Variants in AFG2B observed in about 807,000 individuals in gnomAD.
AFG2B encodes the protein AAA ATPase AFG2B, also known as ATPase family gene 2 protein homolog B.
At chr15:45,410,363 T>C in the AFG2B span, 17 of 1,606,814 alleles carry the variant, frequency 1.1e-5, no homozygotes, top group Non-Finnish European at 1.4e-5. Context: ...TTTGGGTGTA[T>C]TTCTTCAGAA....
chr15:45,402,360 G>C, the AFG2B span: 434 of 1,543,528 alleles, frequency 2.8e-4, 3 homozygotes, highest in South Asian at 4.9e-3. Flanking sequence ...CTGCGAGCTC[G>C]GTGTTCCGCT....
the AFG2B span, chr15:45,403,376 C>T: frequency 2.5e-6 from 4 of 1,610,756 alleles, no homozygotes; most frequent in South Asian, 1.1e-5. Flanking sequence ...GGCAGTCGAG[C>T]ACCCGAGAGC....
At chr15:45,404,544 C>A in the AFG2B span, among the ~76,000 whole-genome samples, 1 of 152,116 alleles carries the variant, frequency 6.6e-6, no homozygotes, top group Admixed American at 6.6e-5. Context: ...CGGTGGCTCA[C>A]GCCTGCAATC....
chr15:45,416,129 A>G, the AFG2B span, among the ~76,000 whole-genome samples: 3 of 152,202 alleles, frequency 2.0e-5, no homozygotes, highest in African/African-American at 7.2e-5. Context: ...ATTTCTTTCT[A>G]AAAATGTTTA....
the AFG2B span, chr15:45,407,163 C>T: frequency 7.8e-7 from 1 of 1,282,386 alleles, no homozygotes; most frequent in South Asian, 1.2e-5. Flanking sequence ...AGTTCAGAAA[C>T]AACCCAGGGG....
chr15:45,418,578 G>T, the AFG2B span: 2 of 1,606,140 alleles, frequency 1.2e-6, no homozygotes, highest in Non-Finnish European at 1.7e-6. Flanking sequence ...TATTTTAAAA[G>T]TCTGTACAAA....
chr15:45,403,071 G>A, the AFG2B span: 1 of 1,536,520 alleles, frequency 6.5e-7, no homozygotes, highest in Non-Finnish European at 8.7e-7. Context: ...CGCTGCGGGA[G>A]CTCCTCCGCC....
At chr15:45,420,618 G>A in the AFG2B span, among the ~76,000 whole-genome samples, 2 of 151,934 alleles carry the variant, frequency 1.3e-5, no homozygotes, top group Non-Finnish European at 2.9e-5. Flanking sequence ...AATGTTTTTA[G>A]TGACATGAAA....
At chr15:45,407,993 T>C in the AFG2B span, among the ~76,000 whole-genome samples, 1 of 152,166 alleles carries the variant, frequency 6.6e-6, no homozygotes, top group African/African-American at 2.4e-5. Context: ...GTTGACCATT[T>C]GGGGGTGGCA....
the AFG2B span, among the ~76,000 whole-genome samples, chr15:45,408,379 G>C: frequency 1.3e-5 from 2 of 151,822 alleles, no homozygotes; most frequent in African/African-American, 4.8e-5. Context: ...CTCTCTCTCT[G>C]TCATCTCCAT....
the AFG2B span, among the ~76,000 whole-genome samples, chr15:45,416,294 GATT>G: frequency 6.6e-6 from 1 of 152,260 alleles, no homozygotes; most frequent in South Asian, 2.1e-4. Context: ...AAACAAAGGA[GATT>G]ATTATTTCCA....
chr15:45,404,710 A>T, the AFG2B span, among the ~76,000 whole-genome samples: 1 of 151,202 alleles, frequency 6.6e-6, no homozygotes, highest in Admixed American at 6.6e-5. Flanking sequence ...CTGGAGGCTG[A>T]GGCACCAGAA....
chr15:45,417,218 A>T, the AFG2B span: 1 of 1,575,140 alleles, frequency 6.3e-7, no homozygotes, highest in Non-Finnish European at 8.6e-7. Flanking sequence ...ATTTTTAGAA[A>T]ACTTATTAAC....
chr15:45,407,301 G>A, the AFG2B span: 2 of 1,091,674 alleles, frequency 1.8e-6, no homozygotes, highest in East Asian at 1.2e-4. Flanking sequence ...GGGCAGATAA[G>A]GGATACCTTA....
the AFG2B span, among the ~76,000 whole-genome samples, chr15:45,408,968 G>A: frequency 1.3e-5 from 2 of 152,104 alleles, no homozygotes; most frequent in South Asian, 2.1e-4. Context: ...ATTGCAAGAC[G>A]GGCGATTTTT....
chr15:45,419,848 T>C, the AFG2B span, among the ~76,000 whole-genome samples: 4 of 151,724 alleles, frequency 2.6e-5, no homozygotes, highest in African/African-American at 9.7e-5. Flanking sequence ...AGACCCTGTC[T>C]CTACAAAAAC....
chr15:45,413,456 C>T, the AFG2B span, among the ~76,000 whole-genome samples: 1 of 152,208 alleles, frequency 6.6e-6, no homozygotes, highest in African/African-American at 2.4e-5. Flanking sequence ...TTAATACAGC[C>T]AGCCACCCCA....
the AFG2B span, chr15:45,402,987 T>C: frequency 6.3e-7 from 1 of 1,592,220 alleles, no homozygotes; most frequent in Non-Finnish European, 8.5e-7. Context: ...GCGTCAGCCT[T>C]GGCGGGGAGC....
the AFG2B span, chr15:45,410,554 C>G: frequency 6.3e-7 from 1 of 1,580,690 alleles, no homozygotes; most frequent in Non-Finnish European, 8.6e-7. Context: ...TCTACTTAAT[C>G]CAGTAGGATA....
Sources: gnomAD v4.1 joint callset for allele counts (sites outside exome capture counted in the v4.1 genomes callset) on GRCh38, gnomAD v4.1.1 for gene constraint, MANE v1.5 for transcripts, NCBI Gene and HGNC (gene_info 2026-07-23, HGNC 2026-07-21) for gene names.